Variants in C8orf34 observed in about 807,000 individuals in gnomAD.
C8orf34 encodes the protein chromosome 8 open reading frame 34.
C8orf34 carries 65 observed loss-of-function variants against 68.3 expected under a neutral mutation model. The ratio of observed to expected loss-of-function variants is 0.95; its 90% CI spans 0.78 to 1.17. The LOEUF is 1.17. Among genes scored for constraint, C8orf34 ranks in the 50% most tolerant of loss-of-function variants. The pLI is 0.00. For synonymous variants in C8orf34, 244 were observed against 241.2 expected, an observed-to-expected ratio of 1.01 and a Z score of -0.11; for missense variants, 664 against 655.4, an observed-to-expected ratio of 1.01 and a Z score of -0.14.
At chr8:68,631,874 T>C (rs1209954208) in intron 7 of C8orf34, among the ~76,000 whole-genome samples, 1 of 152,230 alleles carries the variant, frequency 6.6e-6, no homozygotes. Context: ...TCCTCAGCTA[T>C]GTGGAACTGT....
intron 8 of C8orf34, among the ~76,000 whole-genome samples, chr8:68,674,037 G>A (rs938702224): frequency 6.6e-6 from 1 of 152,150 alleles, no homozygotes; most frequent in Non-Finnish European, 1.5e-5. Context: ...CATTAAGGTG[G>A]TACCTCTATG....
At chr8:68,412,668 C>T (rs996568740) in intron 1 of C8orf34, among the ~76,000 whole-genome samples, 3 of 152,124 alleles carry the variant, frequency 2.0e-5, no homozygotes, top group Non-Finnish European at 2.9e-5. Context: ...TCCTCTTATA[C>T]AGCGATTTTT....
intron 7 of C8orf34, among the ~76,000 whole-genome samples, chr8:68,545,990 G>C (rs1815865165): frequency 6.6e-6 from 1 of 151,906 alleles, no homozygotes; most frequent in African/African-American, 2.4e-5. Context: ...TATTATAAGA[G>C]GTGATATAAT....
At chr8:68,658,399 T>C (rs1819572545) in intron 8 of C8orf34, among the ~76,000 whole-genome samples, 1 of 152,194 alleles carries the variant, frequency 6.6e-6, no homozygotes, top group Admixed American at 6.5e-5. Context: ...GGATTCCCAA[T>C]GTCTTTGCCA....
intron 8 of C8orf34, among the ~76,000 whole-genome samples, chr8:68,667,993 T>G (rs1819891154): frequency 6.6e-6 from 1 of 151,934 alleles, no homozygotes; most frequent in Non-Finnish European, 1.5e-5. Flanking sequence ...CATCCAACAA[T>G]GCAAAGCAGA....
intron 5 of C8orf34, among the ~76,000 whole-genome samples, chr8:68,490,226 C>A (rs966613917): frequency 6.6e-6 from 1 of 152,168 alleles, no homozygotes; most frequent in African/African-American, 2.4e-5. Context: ...TTTCTAGGTT[C>A]ATTTGCTCTT....
At chr8:68,340,182 C>T (rs2138677) in intron 1 of C8orf34, among the ~76,000 whole-genome samples, 61,914 of 151,744 alleles carry the variant, frequency 0.41, 12,807 homozygotes, top group Non-Finnish European at 0.44. Context: ...GGTCCAACCA[C>T]TTTGGAAAAA....
At chr8:68,525,956 C>CTTTTTTTTTTT (rs10692707) in intron 6 of C8orf34, 23 of 178,744 alleles carry the variant, frequency 1.3e-4, no homozygotes, top group African/African-American at 2.0e-4. Context: ...TTCTTTCTTT[C>CTTTTTTTTTTT]TTTTTTTTTT....
chr8:68,418,303 T>C (rs1211240841), intron 1 of C8orf34, among the ~76,000 whole-genome samples: 2 of 149,708 alleles, frequency 1.3e-5, no homozygotes, highest in Non-Finnish European at 3.0e-5. Context: ...TCCTGCCTAA[T>C]TGCCCTGGCC....
At chr8:68,736,343 A>C (rs1416165460) in intron 10 of C8orf34, among the ~76,000 whole-genome samples, 1 of 152,168 alleles carries the variant, frequency 6.6e-6, no homozygotes, top group Admixed American at 6.5e-5. Context: ...AGAAGTTAGT[A>C]TTATTATCAT....
chr8:68,534,246 A>G (rs1815370657), intron 7 of C8orf34: 1 of 985,234 alleles, frequency 1.0e-6, no homozygotes, highest in Non-Finnish European at 1.2e-6. Flanking sequence ...AGATTGTATC[A>G]TGGCGTTTTC....
intron 10 of C8orf34, among the ~76,000 whole-genome samples, chr8:68,743,132 G>C (rs767701754): frequency 6.6e-6 from 1 of 152,116 alleles, no homozygotes; most frequent in Non-Finnish European, 1.5e-5. Context: ...GAATAATCTG[G>C]TGGTGACTTG....
chr8:68,614,205 G>C (rs1203294513), intron 7 of C8orf34, among the ~76,000 whole-genome samples: 2 of 151,956 alleles, frequency 1.3e-5, no homozygotes, highest in African/African-American at 4.8e-5. Flanking sequence ...TGTCAGATGA[G>C]TAGGTTGCGA....
At chr8:68,425,899 A>T (rs946991693) in intron 1 of C8orf34, among the ~76,000 whole-genome samples, 1 of 152,168 alleles carries the variant, frequency 6.6e-6, no homozygotes, top group South Asian at 2.1e-4. Flanking sequence ...TTTGACAAAG[A>T]CACAAAAGTA....
chr8:68,717,967 C>T (rs1477398369), intron 9 of C8orf34, among the ~76,000 whole-genome samples: 1 of 152,178 alleles, frequency 6.6e-6, no homozygotes, highest in Non-Finnish European at 1.5e-5. Context: ...TTCGTTGACA[C>T]TCGCATAGTT....
chr8:68,452,568 C>T (rs9886370), intron 3 of C8orf34, among the ~76,000 whole-genome samples: 95,677 of 150,326 alleles, frequency 0.64, 30,486 homozygotes, highest in East Asian at 0.69. Context: ...AATATCTTCT[C>T]TGGAAAAATG....
intron 7 of C8orf34, among the ~76,000 whole-genome samples, chr8:68,615,087 GTT>G: frequency 6.8e-5 from 10 of 146,118 alleles, no homozygotes; most frequent in African/African-American, 2.6e-4. Flanking sequence ...TTGGCTCTCT[GTT>G]TGTCTGTTAT....
chr8:68,540,206 T>A (rs1815647651), intron 7 of C8orf34, among the ~76,000 whole-genome samples: 1 of 151,832 alleles, frequency 6.6e-6, no homozygotes, highest in African/African-American at 2.4e-5. Flanking sequence ...ATATAAGTGT[T>A]CTAATTAAGG....
intron 10 of C8orf34, among the ~76,000 whole-genome samples, chr8:68,752,725 G>A (rs1032346746): frequency 1.3e-5 from 2 of 152,130 alleles, no homozygotes; most frequent in African/African-American, 4.8e-5. Flanking sequence ...GTTTTCCATA[G>A]GGTTGTGTAT....
Sources: gnomAD v4.1 joint callset for allele counts (sites outside exome capture counted in the v4.1 genomes callset) on GRCh38, gnomAD v4.1.1 for gene constraint, MANE v1.5 for transcripts, NCBI Gene and HGNC (gene_info 2026-07-23, HGNC 2026-07-21) for gene names.